Variants in DPYD observed in about 807,000 individuals in gnomAD.
DPYD encodes dihydropyrimidine dehydrogenase.
A neutral mutation model predicts 116.2 loss-of-function variants in DPYD; 109 were observed. The observed-to-expected ratio is 0.94, with a 90% confidence interval of 0.80 to 1.10. The LOEUF is 1.10. Ranked by LOEUF, DPYD falls within the 50% of genes least tolerant of loss-of-function variation. The pLI, the probability that DPYD is intolerant of heterozygous loss-of-function variation, is 0.00. For synonymous variants in DPYD, 440 were observed against 432.0 expected, an observed-to-expected ratio of 1.02 and a Z score of -0.23; for missense variants, 1,302 against 1,254.5, an observed-to-expected ratio of 1.04 and a Z score of -0.57.
At chr1:97,590,082 T>C (rs1416831818) in intron 10 of DPYD, among the ~76,000 whole-genome samples, 2 of 152,208 alleles carry the variant, frequency 1.3e-5, no homozygotes, top group African/African-American at 2.4e-5. Flanking sequence ...TCCAGTTTCA[T>C]GAGTGTTAGC....
intron 3 of DPYD, among the ~76,000 whole-genome samples, chr1:97,755,768 A>G (rs904728010): frequency 1.3e-5 from 2 of 152,168 alleles, no homozygotes; most frequent in African/African-American, 4.8e-5. Flanking sequence ...CAGTTTCCTC[A>G]TCTAAATTGC....
intron 3 of DPYD, among the ~76,000 whole-genome samples, chr1:97,804,760 A>G (rs1189331390): frequency 6.6e-6 from 1 of 151,830 alleles, no homozygotes; most frequent in Admixed American, 6.6e-5. Flanking sequence ...AGCTCAATTA[A>G]AACTAATTTA....
At chr1:97,854,474 C>T (rs1266024542) in intron 2 of DPYD, among the ~76,000 whole-genome samples, 1 of 152,158 alleles carries the variant, frequency 6.6e-6, no homozygotes, top group Non-Finnish European at 1.5e-5. Flanking sequence ...TCAGGTGCCC[C>T]AACACTCCTA....
chr1:97,335,299 TACACACACACAC>T (rs35371362), intron 16 of DPYD, among the ~76,000 whole-genome samples: 2,186 of 136,298 alleles, frequency 0.016, 62 homozygotes, highest in East Asian at 0.075. Flanking sequence ...TGGAGTTAAG[TACACACACACAC>T]ACACACACAC....
intron 3 of DPYD, among the ~76,000 whole-genome samples, chr1:97,775,935 T>C (rs1334729576): frequency 6.6e-6 from 1 of 152,186 alleles, no homozygotes; most frequent in African/African-American, 2.4e-5. Flanking sequence ...TGTTTCATTT[T>C]CTGTTAATTT....
chr1:97,725,871 G>A (rs926332491), intron 4 of DPYD, among the ~76,000 whole-genome samples: 5 of 151,362 alleles, frequency 3.3e-5, no homozygotes, highest in Admixed American at 2.6e-4. Context: ...TTTTTTTAGC[G>A]GTGATAAAAT....
At chr1:97,676,537 T>C (rs536937039) in intron 8 of DPYD, among the ~76,000 whole-genome samples, 13 of 152,196 alleles carry the variant, frequency 8.5e-5, no homozygotes, top group Admixed American at 3.3e-4. Context: ...TATTGTTTTC[T>C]GAAACTGCCC....
chr1:97,327,331 A>T (rs1558033509), intron 16 of DPYD, among the ~76,000 whole-genome samples: 1 of 152,064 alleles, frequency 6.6e-6, no homozygotes. Context: ...CCTGCTACAG[A>T]TTAAAATCAT....
chr1:97,258,042 A>T (rs1333597129), intron 18 of DPYD, among the ~76,000 whole-genome samples: 1 of 152,104 alleles, frequency 6.6e-6, no homozygotes, highest in Non-Finnish European at 1.5e-5. Flanking sequence ...AATCACAGAT[A>T]ACGGCATGAG....
chr1:97,891,614 T>C (rs2101660979), intron 1 of DPYD, among the ~76,000 whole-genome samples: 1 of 151,194 alleles, frequency 6.6e-6, no homozygotes, highest in East Asian at 2.0e-4. Context: ...CTAAAGAGAG[T>C]TTTTCTGTAT....
chr1:97,466,165 A>G (rs1677311162), intron 13 of DPYD, among the ~76,000 whole-genome samples: 1 of 152,210 alleles, frequency 6.6e-6, no homozygotes, highest in South Asian at 2.1e-4. Flanking sequence ...TGTAATCAAA[A>G]TTATAACAAA....
chr1:97,089,832 T>G (rs925138189), intron 21 of DPYD, among the ~76,000 whole-genome samples: 191 of 15,558 alleles, frequency 0.012, 1 homozygote, highest in South Asian at 0.029. Context: ...TGTTTGTTTT[T>G]TTTTTTTTTT....
chr1:97,689,787 A>G (rs1451926353), intron 7 of DPYD, among the ~76,000 whole-genome samples: 1 of 152,120 alleles, frequency 6.6e-6, no homozygotes, highest in Non-Finnish European at 1.5e-5. Context: ...CGTAAATCAT[A>G]AAAGCTGCAA....
chr1:97,630,160 C>A (rs1657167511), intron 8 of DPYD, among the ~76,000 whole-genome samples: 1 of 151,378 alleles, frequency 6.6e-6, no homozygotes, highest in Admixed American at 6.6e-5. Context: ...ACGGATAAAG[C>A]CACTATATAC....
At chr1:97,663,025 C>T (rs61091052) in intron 8 of DPYD, among the ~76,000 whole-genome samples, 1 of 152,134 alleles carries the variant, frequency 6.6e-6, no homozygotes, top group Non-Finnish European at 1.5e-5. Flanking sequence ...TATATTATTT[C>T]TATTACTCCC....
At position 97,593,229 on chromosome 1, in the gene DPYD, C is replaced by T. The variant is rs772906420; in HGVS notation, c.1117G>A (p.Val373Ile). 5 of 1,613,934 alleles carry T rather than the reference C, an allele frequency of 3.1e-6. No homozygotes were observed. The highest frequency in any genetic ancestry group is 4.2e-6 in the Non-Finnish European group (5 of 1,180,020). Residue 373 changes from valine (V) to isoleucine (I), a missense_variant, in exon 10 of 23, where the codon GTC (valine) becomes ATC (isoleucine). Val to Ile is a conservative substitution (Grantham distance 29). Coordinates refer to ENST00000370192, the MANE Select transcript of DPYD (RefSeq NM_000110.4). ...FRKGFVNIRA[V>I]PEEMELAKEE... The stretch of plus-strand genomic sequence containing the variant: ...TGGTTCCATTTTACCTCCTCAGGGA[C>T]AGCTCTTATATTAACAAAGCCTTTT...
At chr1:97,206,662 AT>A (rs1557938154) in intron 19 of DPYD, among the ~76,000 whole-genome samples, 5 of 116,366 alleles carry the variant, frequency 4.3e-5, no homozygotes, top group African/African-American at 6.1e-5. Context: ...ATATATATAT[AT>A]ATATATATAT....
At chr1:97,553,518 C>A (rs1445132008) in intron 11 of DPYD, among the ~76,000 whole-genome samples, 1 of 151,990 alleles carries the variant, frequency 6.6e-6, no homozygotes, top group African/African-American at 2.4e-5. Flanking sequence ...AACTCAGAAG[C>A]AAATCTTCTG....
In DPYD at chr1:97,721,636, G is replaced by A. The variant is rs777348913; in HGVS notation, c.357C>T (p.Asp119=). The change falls in exon 5 of 23, where the codon GAC becomes GAT. Residue 119 remains aspartate (D), a synonymous_variant. Transcript: ENST00000370192. ...TTCCACAAGTCAGACCAAGTGGGTT[G>A]TCAGAAAATATCATCTTAGCAGCTC... The part of the protein sequence containing the change: ...YYGAAKMIFS[D]NPLGLTCGMV... The A allele has an allele frequency of 1.9e-6, 3 of 1,611,462 alleles. No individual in the cohort carries two copies. The highest frequency in any genetic ancestry group is 3.3e-5 in the Admixed American group (2 of 59,744).
Sources: allele counts gnomAD v4.1 joint callset (sites outside exome capture counted in the v4.1 genomes callset), GRCh38; gene constraint gnomAD v4.1.1; transcripts MANE v1.5; gene names NCBI Gene and HGNC (gene_info 2026-07-23, HGNC 2026-07-21).